The following PTPN14 variants were observed in gnomAD, a reference collection of about 807,000 sequenced individuals.
The protein encoded by PTPN14 is protein tyrosine phosphatase non-receptor type 14.
A neutral mutation model predicts 126.8 loss-of-function variants in PTPN14; 53 were observed. The observed-to-expected ratio is 0.42, with a 90% CI of 0.34 to 0.53. PTPN14 has a LOEUF of 0.53. Among genes scored for constraint, PTPN14 ranks in the 20% least tolerant of loss-of-function variants. The probability of loss-of-function intolerance (pLI) is 0.08; values close to 1 mark genes in which losing one functional copy is unlikely to be tolerated. For missense variants in PTPN14, 1,257 were observed against 1,552.9 expected (o/e 0.81, Z 3.20); for synonymous variants, 630 against 599.3 (o/e 1.05, Z -0.75).
chr1:214,537,938 A>T (rs1655746353), intron 1 of PTPN14, among the ~76,000 whole-genome samples: 1 of 152,254 alleles, frequency 6.6e-6, no homozygotes, highest in Admixed American at 6.5e-5. Context: ...ACAAAATATT[A>T]TGTCAACATA....
At chr1:214,546,832 C>T (rs1655982115) in intron 1 of PTPN14, among the ~76,000 whole-genome samples, 1 of 152,100 alleles carries the variant, frequency 6.6e-6, no homozygotes, top group African/African-American at 2.4e-5. Context: ...AAATCAACTA[C>T]ATATCAAATT....
chr1:214,367,730 T>C (rs1430787343), intron 17 of PTPN14, among the ~76,000 whole-genome samples: 2 of 152,030 alleles, frequency 1.3e-5, no homozygotes, highest in African/African-American at 4.8e-5. Flanking sequence ...GATGAGCATG[T>C]GGAAAGCAAG....
rs753206603 is a variant in PTPN14 at position 214,402,925 on chromosome 1, T to A, written c.539A>T (p.Glu180Val). The change falls in exon 6 of 19, where the codon GAG becomes GTG. Residue 180 changes from glutamate (E) to valine (V), a missense_variant. By Grantham distance (121) the Glu-to-Val change is moderately radical. Around this residue, in one of 3 missense-constraint regions of PTPN14, gnomAD observed 1,021 missense variants for 1,183.3 expected, o/e 0.86. Coordinates refer to ENST00000366956, the MANE Select transcript of PTPN14 (RefSeq NM_005401.5). The part of the protein sequence containing the change: ...MDLALEEAVL[E>V]ELTQKVAQEH... ...TTGGGCTACCTTCTGGGTCAGCTCC[T>A]CCAGAACAGCCTCTTCCAGGGCCAA... The A allele has an allele frequency of 1.2e-6, 2 of 1,614,006 alleles. No homozygotes were observed. The highest frequency in any genetic ancestry group is 1.7e-6 in the Non-Finnish European group (2 of 1,179,980).
At chr1:214,522,465 T>C (rs1188401606) in intron 1 of PTPN14, among the ~76,000 whole-genome samples, 1 of 152,172 alleles carries the variant, frequency 6.6e-6, no homozygotes, top group African/African-American at 2.4e-5. Flanking sequence ...CAAATAACTA[T>C]CTGTGTTCAG....
At chr1:214,398,980 G>T (rs1336388659) in intron 7 of PTPN14, among the ~76,000 whole-genome samples, 7 of 151,512 alleles carry the variant, frequency 4.6e-5, no homozygotes. Context: ...TGTTGGCCAG[G>T]ATGGTCTCGA....
chr1:214,444,018 A>G (rs909270448), intron 3 of PTPN14, among the ~76,000 whole-genome samples: 2 of 152,192 alleles, frequency 1.3e-5, no homozygotes, highest in Non-Finnish European at 2.9e-5. Flanking sequence ...GTTGAGACCT[A>G]TTTGTTATTA....
chr1:214,509,510 A>C (rs1209286755), intron 1 of PTPN14, among the ~76,000 whole-genome samples: 1 of 152,196 alleles, frequency 6.6e-6, no homozygotes, highest in Non-Finnish European at 1.5e-5. Flanking sequence ...CAGACCACTC[A>C]ATTTTTCTCC....
intron 3 of PTPN14, among the ~76,000 whole-genome samples, chr1:214,451,140 G>A (rs1241650439): frequency 7.7e-6 from 1 of 130,228 alleles, no homozygotes; most frequent in Admixed American, 8.2e-5. Context: ...ACAGAATTAG[G>A]TTTTTGTTTT....
intron 1 of PTPN14, among the ~76,000 whole-genome samples, chr1:214,475,369 G>A (rs950141012): frequency 1.3e-5 from 2 of 152,036 alleles, no homozygotes; most frequent in Non-Finnish European, 2.9e-5. Context: ...TAAGTAAAAT[G>A]ACAAGTTCTT....
intron 3 of PTPN14, among the ~76,000 whole-genome samples, chr1:214,448,028 C>T (rs972544192): frequency 7.9e-5 from 12 of 152,228 alleles, no homozygotes; most frequent in African/African-American, 2.9e-4. Context: ...ATAACCACCA[C>T]TACCAAAACT....
chr1:214,373,718 C>G (rs1451953292), intron 15 of PTPN14, among the ~76,000 whole-genome samples: 1 of 149,934 alleles, frequency 6.7e-6, no homozygotes, highest in Non-Finnish European at 1.5e-5. Context: ...AAAAAAAGAT[C>G]ATGAAACAAC....
At chr1:214,404,187 T>C (rs1307381258) in intron 5 of PTPN14, among the ~76,000 whole-genome samples, 1 of 152,058 alleles carries the variant, frequency 6.6e-6, no homozygotes, top group Non-Finnish European at 1.5e-5. Flanking sequence ...ATCTGAAAAA[T>C]CAATATATTT....
chr1:214,505,840 A>G (rs1169649069), intron 1 of PTPN14, among the ~76,000 whole-genome samples: 2 of 152,178 alleles, frequency 1.3e-5, no homozygotes, highest in Non-Finnish European at 2.9e-5. Context: ...AGGCTGCAGT[A>G]AGTTATGATT....
At chr1:214,540,179 C>T (rs1055276582) in intron 1 of PTPN14, among the ~76,000 whole-genome samples, 2 of 152,174 alleles carry the variant, frequency 1.3e-5, no homozygotes, top group African/African-American at 2.4e-5. Flanking sequence ...TTATAACCCA[C>T]GGATTTAAAC....
chr1:214,511,585 T>G (rs1654975479), intron 1 of PTPN14, among the ~76,000 whole-genome samples: 1 of 152,116 alleles, frequency 6.6e-6, no homozygotes, highest in Non-Finnish European at 1.5e-5. Context: ...TACAGAATGG[T>G]GCAGCTGCTA....
chr1:214,419,397 C>T (rs369959461), intron 3 of PTPN14, among the ~76,000 whole-genome samples: 2 of 152,268 alleles, frequency 1.3e-5, no homozygotes, highest in South Asian at 2.1e-4. Context: ...AGGGGCCATC[C>T]TTAAATTCCT....
rs1412676172 is a variant in PTPN14, at chr1:214,355,375, A to G, written c.*2547T>C. The G allele has an allele frequency of 6.6e-6, 1 of 152,208 alleles. No homozygotes were observed. The highest frequency in any genetic ancestry group is 1.5e-5 in the Non-Finnish European group (1 of 68,040). The allele number at this position is 152,208 out of a possible 1,614,324, so 9.4% of individuals were successfully genotyped here. ...AAATACTGATGTTGTTCATCACGCA[A>G]TAAACCAGTAACTGAGACCACTTGC... On this transcript the variant is annotated 3_prime_UTR_variant, in exon 19 of 19. Coordinates refer to ENST00000366956, the MANE Select transcript of PTPN14 (RefSeq NM_005401.5).
At chr1:214,460,353 C>G (rs1485052883) in intron 2 of PTPN14, among the ~76,000 whole-genome samples, 1 of 151,922 alleles carries the variant, frequency 6.6e-6, no homozygotes, top group African/African-American at 2.4e-5. Flanking sequence ...CCATCCTGCC[C>G]CTTCCTCCTT....
At chr1:214,411,598 A>G in intron 5 of PTPN14, 86 bp downstream of exon 5, 1 of 1,035,052 alleles carries the variant, frequency 9.7e-7, no homozygotes, top group South Asian at 1.5e-5. Flanking sequence ...GAATATGCAT[A>G]TGTAAAATCC....
Sources: allele counts gnomAD v4.1 joint callset (sites outside exome capture counted in the v4.1 genomes callset), GRCh38; gene constraint gnomAD v4.1.1; regional missense constraint gnomAD v4.1.1; transcripts MANE v1.5; gene names NCBI Gene and HGNC (gene_info 2026-07-23, HGNC 2026-07-21).